Variants in ATP8B1 observed in about 807,000 individuals in gnomAD.
ATP8B1 encodes ATPase phospholipid transporting 8B1, also known as phospholipid-transporting ATPase IC.
In ATP8B1, 80 loss-of-function variants were observed where a neutral mutation model predicts 149.9. The observed-to-expected ratio is 0.53, with a 90% CI of 0.45 to 0.64. ATP8B1 has a LOEUF of 0.64. Ranked by LOEUF, ATP8B1 falls within the 30% of genes least tolerant of loss-of-function variation. The pLI is 0.00. For synonymous variants in ATP8B1, 536 were observed against 562.8 expected, an observed-to-expected ratio of 0.95 and a Z score of 0.67; for missense variants, 1,247 against 1,552.6, an observed-to-expected ratio of 0.80 and a Z score of 3.31.
intron 2 of ATP8B1, among the ~76,000 whole-genome samples, chr18:57,711,130 G>T (rs1042757926): frequency 5.9e-5 from 9 of 152,170 alleles, no homozygotes; most frequent in Non-Finnish European, 1.3e-4. Context: ...AATTTGGCCA[G>T]ATCTCAAAAT....
At position 57,655,273 on chromosome 18, in the gene ATP8B1, A is replaced by C. The variant is rs368819544; in HGVS notation, c.2852T>G (p.Leu951Arg). 6.2e-7 allele frequency: 1 copy of C among 1,614,126 alleles called. No homozygotes were observed. The highest frequency in any genetic ancestry group is 1.3e-5 in the African/African-American group (1 of 74,952). ...RWSYIRMCKF[L>R]RYFFYKNFAF... ...AAAGTTTTTGTAAAAGAAGTATCGT[A>C]GGAACTTGCACATCCTTATGTAAGA... is the stretch of plus-strand genomic sequence containing the variant. The change falls in exon 23 of 28, where the codon CTA (leucine) becomes CGA (arginine). Residue 951 changes from leucine to arginine, a missense_variant. Leu to Arg is a moderately radical substitution (Grantham distance 102). Around this residue, in one of 3 missense-constraint regions of ATP8B1, gnomAD observed 230 missense variants for 356.6 expected, o/e 0.65. Transcript: ENST00000648908.
rs1164871691 is a variant in ATP8B1 at position 57,721,350 on chromosome 18, C to A, written c.181+10277G>T. Among the ~76,000 whole-genome samples, 618 of 148,134 alleles carry A rather than the reference C, an allele frequency of 4.2e-3. 4 individuals are homozygous for A. Among genetic ancestry groups the A allele is most frequent in the African/African-American group, 0.015 (602 of 40,166 alleles). On this transcript the variant is annotated intron_variant, in intron 2 of 27. Coordinates refer to ENST00000648908, the MANE Select transcript of ATP8B1 (RefSeq NM_001374385.1). Reference sequence around the variant, plus strand: ...CATCAGTGTGCTGTATTCAGGAAACCCATCTCACGTGCAGAGACACACACA... The same window carrying A: ...CATCAGTGTGCTGTATTCAGGAAACACATCTCACGTGCAGAGACACACACA...
rs1480724641 is a variant in ATP8B1, at chr18:57,720,613, C to T, written c.181+11014G>A. The stretch of plus-strand genomic sequence containing the variant: ...GGACTATGTGAAAAGACCAAATCTA[C>T]GTCTGATTGGTGTACCTGAAAGTGA... On this transcript the variant is annotated intron_variant, in intron 2 of 27. Coordinates refer to ENST00000648908, the MANE Select transcript of ATP8B1 (RefSeq NM_001374385.1). Among the ~76,000 whole-genome samples, 8 of 121,432 alleles carry T rather than the reference C, an allele frequency of 6.6e-5. No individual in the cohort carries two copies. The South Asian group carries it at 2.6e-3, about 39-fold the overall frequency. 79.7% of individuals were successfully genotyped at this position (121,432 alleles called of 152,430 possible).
chr18:57,728,611 A>G (rs2079730661), intron 2 of ATP8B1, among the ~76,000 whole-genome samples: 2 of 152,118 alleles, frequency 1.3e-5, no homozygotes, highest in African/African-American at 4.8e-5. Context: ...ATTTTTGTAA[A>G]AAGTCACAGG....
chr18:57,726,240 C>CA (rs2079706751), intron 2 of ATP8B1, among the ~76,000 whole-genome samples: 1 of 102,952 alleles, frequency 9.7e-6, no homozygotes, highest in African/African-American at 4.0e-5. Flanking sequence ...CAAAAACAAA[C>CA]AACAACAACA....
At chr18:57,651,772 C>G (rs1414546355) in intron 26 of ATP8B1, among the ~76,000 whole-genome samples, 1 of 151,924 alleles carries the variant, frequency 6.6e-6, no homozygotes, top group Non-Finnish European at 1.5e-5. Flanking sequence ...GCTAGAACTA[C>G]AGGCATGTGC....
At position 57,701,082 on chromosome 18, in the gene ATP8B1, T is replaced by C. The variant is rs372654764; in HGVS notation, c.511A>G (p.Lys171Glu). 18 of 1,614,022 alleles carry C rather than the reference T, an allele frequency of 1.1e-5. No homozygotes were observed. The African/African-American group carries it at 2.0e-4, about 18-fold the overall frequency. ...VDDVARHKMD[K>E]EINNRTCEVI... ...TCACACGTCCTATTGTTGATTTCCT[T>C]ATCCATTTTATGGCGAGCCTTGAGA... is the stretch of plus-strand genomic sequence containing the variant. Residue 171 changes from lysine (K) to glutamate (E), a missense_variant, in exon 6 of 28, where the codon AAG becomes GAG. Lys to Glu is a moderately conservative substitution (Grantham distance 56). Around this residue, in one of 3 missense-constraint regions of ATP8B1, gnomAD observed 853 missense variants for 1,035.7 expected, o/e 0.82. Transcript: ENST00000648908.
Position 57,753,348 on chromosome 18 carries a change from A to G in ATP8B1, c.-25-21516T>C, listed in dbSNP as rs1008490369. Among the ~76,000 whole-genome samples, 8 of 152,374 alleles carry G rather than the reference A, an allele frequency of 5.3e-5. No homozygotes were observed. In the South Asian group the frequency reaches 1.7e-3, roughly 32 times the overall value. On this transcript the variant is annotated intron_variant, in intron 1 of 27. Coordinates refer to ENST00000648908, the MANE Select transcript of ATP8B1 (RefSeq NM_001374385.1). ...AGAGGAAGTGGACAGATCTATAGAT[A>G]AAAACAACATTGGCCTTGGCCATGA...
In ATP8B1 at chr18:57,657,916, T is replaced by C. The variant is rs115167153; in HGVS notation, c.2708-2499A>G. Among the ~76,000 whole-genome samples, 973 of 152,352 alleles carry C rather than the reference T, an allele frequency of 6.4e-3. 17 individuals carry two copies. The highest frequency in any genetic ancestry group is 0.022 in the African/African-American group (914 of 41,580). ...TACACTATAAGGTAACATTGGTCTT[T>C]TTTGTAAAATTTAAGTACAGGCATT... On this transcript the variant is annotated intron_variant, in intron 22 of 27. Coordinates refer to ENST00000648908, the MANE Select transcript of ATP8B1 (RefSeq NM_001374385.1).
intron 22 of ATP8B1, among the ~76,000 whole-genome samples, chr18:57,656,910 T>C (rs575042531): frequency 3.3e-5 from 5 of 152,016 alleles, no homozygotes; most frequent in Admixed American, 2.0e-4. Flanking sequence ...GGTGCAAATC[T>C]ATGTCCTTGT....
At chr18:57,760,230 G>C (rs570618670) in intron 1 of ATP8B1, among the ~76,000 whole-genome samples, 31 of 152,356 alleles carry the variant, frequency 2.0e-4, no homozygotes, top group Non-Finnish European at 3.4e-4. Context: ...AGCCAAAGAT[G>C]AATTCAGTAC....
rs1013241248 is a variant in ATP8B1 at position 57,802,029 on chromosome 18, G to C, written c.-26+969C>G. 5 of 124,024 alleles carry C rather than the reference G, an allele frequency of 4.0e-5. No individual in the cohort carries two copies. The East Asian group carries it at 9.0e-4, about 22-fold the overall frequency. The allele number at this position is 124,024 out of a possible 1,614,324, so 7.7% of individuals were successfully genotyped here. A position where few individuals can be genotyped will look rare whatever the true frequency, so the allele number is the denominator to read the frequency against. On this transcript the variant is annotated intron_variant, in intron 1 of 27. Transcript: ENST00000648908. The surrounding 1 kb of genome is among the most constrained non-coding windows in gnomAD (Gnocchi z 4.9). ...GCAATCCAGTCTCCCCCGTACAACC[G>C]TCACGGATCTGCGCTCCGAGCACCG...
intron 2 of ATP8B1, among the ~76,000 whole-genome samples, chr18:57,713,752 C>A (rs546840062): frequency 1.4e-4 from 8 of 55,696 alleles, no homozygotes; most frequent in South Asian, 6.6e-4. Context: ...GACCTCCCAA[C>A]ATGCTGGGAT....
In ATP8B1 at chr18:57,759,155, C is replaced by CAAAAAAAAA. The variant is rs566728161; in HGVS notation, c.-25-27332_-25-27324dup. 7.2e-4 allele frequency among the ~76,000 whole-genome samples: 77 copies of CAAAAAAAAA among 106,270 alleles called. 2 individuals carry two copies. The highest frequency in any genetic ancestry group is 3.5e-3 in the Admixed American group (34 of 9,778). 69.7% of individuals were successfully genotyped at this position (106,270 alleles called of 152,430 possible). A position where few individuals can be genotyped will look rare whatever the true frequency, so the allele number is the denominator to read the frequency against. On this transcript the variant is annotated intron_variant, in intron 1 of 27. Coordinates refer to ENST00000648908, the MANE Select transcript of ATP8B1 (RefSeq NM_001374385.1). ...TGGGCGACAGAACGAGATTCCATCT[C>CAAAAAAAAA]AAAAAAAAAAAAAAAAAAAAAAAAA...
chr18:57,737,489 TC>T (rs2079869215), intron 1 of ATP8B1, among the ~76,000 whole-genome samples: 1 of 151,874 alleles, frequency 6.6e-6, no homozygotes, highest in South Asian at 2.1e-4. Flanking sequence ...CCAGCAATCC[TC>T]CTACCCTGCT....
chr18:57,741,424 G>C (rs2079912795), intron 1 of ATP8B1, among the ~76,000 whole-genome samples: 1 of 152,188 alleles, frequency 6.6e-6, no homozygotes. Flanking sequence ...ACAGCCAGCA[G>C]GGACTGGAGC....
At chr18:57,659,630 C>T (rs1243852461) in intron 22 of ATP8B1, 1 of 146,612 alleles carries the variant, frequency 6.8e-6, no homozygotes, top group Non-Finnish European at 1.5e-5. Context: ...CAAGCAATAC[C>T]ATTCGCATGG....
intron 1 of ATP8B1, among the ~76,000 whole-genome samples, chr18:57,786,988 T>C (rs955096808): frequency 6.6e-6 from 1 of 152,184 alleles, no homozygotes; most frequent in Non-Finnish European, 1.5e-5. Context: ...CCTAACAACT[T>C]AGAGCTTAGA....
chr18:57,788,992 G>A (rs892075183), intron 1 of ATP8B1, among the ~76,000 whole-genome samples: 5 of 152,088 alleles, frequency 3.3e-5, no homozygotes, highest in African/African-American at 1.2e-4. Flanking sequence ...GCAGATCCAG[G>A]AGTTTCTATA....
Sources: gnomAD v4.1 joint callset for allele counts (sites outside exome capture counted in the v4.1 genomes callset) on GRCh38, gnomAD v4.1.1 for gene constraint, gnomAD v4.1.1 regional missense constraint, Gnocchi (gnomAD v3.1) non-coding constraint, MANE v1.5 for transcripts, NCBI Gene and HGNC (gene_info 2026-07-23, HGNC 2026-07-21) for gene names.